KCNIP4: variants seen among roughly 807,000 people sequenced by gnomAD.
The protein encoded by KCNIP4 is potassium voltage-gated channel interacting protein 4, also known as Kv channel-interacting protein 4.
Under a neutral mutation model 34.0 loss-of-function variants are expected in KCNIP4, and 12 were observed. That is an observed-to-expected ratio of 0.35 (90% CI 0.23 to 0.57). The LOEUF is 0.57. Ranked by LOEUF, KCNIP4 falls within the 20% of genes least tolerant of loss-of-function variation. KCNIP4 has a pLI of 0.83. For missense variants in KCNIP4, 238 were observed against 311.7 expected, an observed-to-expected ratio of 0.76 and a Z score of 1.78; for synonymous variants, 124 against 102.2, an observed-to-expected ratio of 1.21 and a Z score of -1.29.
intron 1 of KCNIP4, among the ~76,000 whole-genome samples, chr4:21,545,334 C>T (rs1241843020): frequency 2.0e-5 from 3 of 151,250 alleles, no homozygotes; most frequent in Admixed American, 6.6e-5. Context: ...AATCAGCAGC[C>T]CTCGGGGCTG....
At chr4:21,218,516 G>A (rs546158988) in intron 1 of KCNIP4, among the ~76,000 whole-genome samples, 1 of 152,190 alleles carries the variant, frequency 6.6e-6, no homozygotes, top group South Asian at 2.1e-4. Flanking sequence ...CATTTCATAT[G>A]AATGAATGAG....
rs1577808067 is a variant in KCNIP4 at position 21,159,382 on chromosome 4, T to TCTAAATATAAAATGATACA, written c.62-276674_62-276673insTGTATCATTTTATATTTAG. 2.6e-4 allele frequency among the ~76,000 whole-genome samples: 21 copies of TCTAAATATAAAATGATACA among 80,332 alleles called. 4 individuals carry two copies. The highest frequency in any genetic ancestry group is 1.1e-3 in the East Asian group (4 of 3,636). The allele number at this position is 80,332 out of a possible 152,430, so 52.7% of individuals were successfully genotyped here. On this transcript the variant is annotated intron_variant, in intron 1 of 8. Coordinates refer to ENST00000382152, the MANE Select transcript of KCNIP4 (RefSeq NM_025221.6). ...TATTTTTAGAAAATTATACTAAAGA[T>TCTAAATATAAAATGATACA]ATGTTTGAGGGGGAGGAGCCAAGAT...
intron 3 of KCNIP4, among the ~76,000 whole-genome samples, chr4:20,809,252 A>G (rs1715439385): frequency 6.6e-6 from 1 of 152,202 alleles, no homozygotes; most frequent in Non-Finnish European, 1.5e-5. Flanking sequence ...AATTTTTTAA[A>G]GAAGAAATGC....
At chr4:21,526,118 C>A (rs1274129313) in intron 1 of KCNIP4, among the ~76,000 whole-genome samples, 8 of 152,052 alleles carry the variant, frequency 5.3e-5, no homozygotes, top group Admixed American at 5.2e-4. Context: ...GAATAAGCAC[C>A]TGATATGTTT....
At chr4:21,506,742 A>G (rs149014687) in intron 1 of KCNIP4, among the ~76,000 whole-genome samples, 14 of 152,344 alleles carry the variant, frequency 9.2e-5, no homozygotes, top group African/African-American at 3.4e-4. Flanking sequence ...ATGTTCTAAT[A>G]GTCACATTAA....
chr4:21,012,476 C>T (rs1198186948), intron 1 of KCNIP4, among the ~76,000 whole-genome samples: 3 of 152,052 alleles, frequency 2.0e-5, no homozygotes. Context: ...CCCAATTAAT[C>T]AGATTGCTTG....
chr4:20,913,232 A>C (rs1448374635), intron 1 of KCNIP4, among the ~76,000 whole-genome samples: 2 of 152,178 alleles, frequency 1.3e-5, no homozygotes, highest in Non-Finnish European at 2.9e-5. Context: ...TCTTAAAAAC[A>C]ATGTACCAAA....
intron 1 of KCNIP4, among the ~76,000 whole-genome samples, chr4:21,146,663 C>A (rs1332222085): frequency 6.6e-6 from 1 of 152,112 alleles, no homozygotes; most frequent in Non-Finnish European, 1.5e-5. Flanking sequence ...TGTGTTTACA[C>A]ACATCAAGTG....
At chr4:21,395,069 C>A (rs984021430) in intron 1 of KCNIP4, among the ~76,000 whole-genome samples, 1 of 152,008 alleles carries the variant, frequency 6.6e-6, no homozygotes, top group Non-Finnish European at 1.5e-5. Context: ...TGTGGGGACC[C>A]ACTCAGAACC....
chr4:21,255,564 T>C (rs1037182002), intron 1 of KCNIP4, among the ~76,000 whole-genome samples: 4 of 152,120 alleles, frequency 2.6e-5, no homozygotes, highest in Non-Finnish European at 4.4e-5. Flanking sequence ...GATCAGTCTT[T>C]GTTTTCTTTT....
At chr4:21,777,199 T>C (rs1337472924) in intron 1 of KCNIP4, among the ~76,000 whole-genome samples, 1 of 152,224 alleles carries the variant, frequency 6.6e-6, no homozygotes, top group Non-Finnish European at 1.5e-5. Flanking sequence ...CTGAGGCTTC[T>C]CCAGCCATGC....
intron 1 of KCNIP4, among the ~76,000 whole-genome samples, chr4:21,119,574 G>A (rs1749975129): frequency 1.3e-5 from 2 of 151,696 alleles, no homozygotes; most frequent in Non-Finnish European, 2.9e-5. Context: ...AACATAGAGA[G>A]AAACATTTTC....
intron 1 of KCNIP4, among the ~76,000 whole-genome samples, chr4:21,567,516 AC>A (rs985866872): frequency 7.9e-5 from 12 of 152,036 alleles, no homozygotes; most frequent in Non-Finnish European, 1.5e-4. Context: ...AAAACAAAAA[AC>A]CTTAGTATAC....
intron 3 of KCNIP4, among the ~76,000 whole-genome samples, chr4:20,846,771 T>C (rs1189091622): frequency 6.6e-6 from 1 of 152,230 alleles, no homozygotes; most frequent in African/African-American, 2.4e-5. Context: ...AGGTCATTTC[T>C]TTTTGTGCTA....
chr4:21,686,023 C>T (rs1249433292), intron 1 of KCNIP4, among the ~76,000 whole-genome samples: 1 of 152,096 alleles, frequency 6.6e-6, no homozygotes, highest in Non-Finnish European at 1.5e-5. Flanking sequence ...TTCTTTAAAG[C>T]CTTTTGACTT....
chr4:21,034,280 C>G (rs1741267457), intron 1 of KCNIP4, among the ~76,000 whole-genome samples: 1 of 152,142 alleles, frequency 6.6e-6, no homozygotes, highest in Non-Finnish European at 1.5e-5. Flanking sequence ...GAAGCTTCAT[C>G]AAGAGAATCA....
chr4:21,400,739 G>A (rs903591), intron 1 of KCNIP4, among the ~76,000 whole-genome samples: 68,730 of 151,898 alleles, frequency 0.45, 18,568 homozygotes, highest in African/African-American at 0.77. Flanking sequence ...ATTCTATAAG[G>A]GTTGCATTCA....
intron 1 of KCNIP4, among the ~76,000 whole-genome samples, chr4:21,643,461 G>A (rs1746761131): frequency 6.6e-6 from 1 of 152,094 alleles, no homozygotes; most frequent in Admixed American, 6.6e-5. Flanking sequence ...AGATGTATAT[G>A]AGTGCCAGGT....
At chr4:21,055,762 A>G (rs566436724) in intron 1 of KCNIP4, among the ~76,000 whole-genome samples, 18 of 152,310 alleles carry the variant, frequency 1.2e-4, no homozygotes, top group Non-Finnish European at 2.5e-4. Flanking sequence ...CAGTAAAATG[A>G]TAAGTGGCTA....
Sources: gnomAD v4.1 joint callset for allele counts (sites outside exome capture counted in the v4.1 genomes callset) on GRCh38, gnomAD v4.1.1 for gene constraint, MANE v1.5 for transcripts, NCBI Gene and HGNC (gene_info 2026-07-23, HGNC 2026-07-21) for gene names.